Variants in LARP1B observed in about 807,000 individuals in gnomAD.
LARP1B encodes the protein la-related protein 1B.
LARP1B carries 76 observed loss-of-function variants against 114.2 expected under a neutral mutation model. The ratio of observed to expected loss-of-function variants is 0.67; its 90% confidence interval spans 0.55 to 0.81. The LOEUF (loss-of-function observed/expected upper bound fraction) is 0.81, where lower values mean the gene tolerates loss of function less well. LARP1B is among the 30% of genes least tolerant of loss of function. The pLI is 0.00. For synonymous variants in LARP1B, 345 were observed against 348.0 expected (o/e 0.99, Z 0.10); for missense variants, 1,014 against 1,075.8 (o/e 0.94, Z 0.80).
In LARP1B at chr4:128,061,659, G is replaced by A. The variant is rs899485806; in HGVS notation, c.-78+258G>A. 20 of 984,506 alleles carry A rather than the reference G, an allele frequency of 2.0e-5. No individual in the cohort carries two copies. The African/African-American group carries it at 2.4e-4, about 12-fold the overall frequency. The allele number at this position is 984,506 out of a possible 1,614,324, so 61.0% of individuals were successfully genotyped here. A position where few individuals can be genotyped will look rare whatever the true frequency, so the allele number is the denominator to read the frequency against. On this transcript the variant is annotated intron_variant, in intron 1 of 19. Coordinates refer to ENST00000326639, the MANE Select transcript of LARP1B (RefSeq NM_018078.4). ...GGCAGTCGGGTTCCCTGGCCTCGGG[G>A]CCACCCCGGCTGGGGCGGCTGGGGC...
At chr4:128,191,430 G>T (rs992005253) in intron 15 of LARP1B, among the ~76,000 whole-genome samples, 1 of 152,106 alleles carries the variant, frequency 6.6e-6, no homozygotes. Context: ...TTGCAGTAGC[G>T]TGTGAGTTCC....
At chr4:128,068,682 C>T (rs577927666) in intron 1 of LARP1B, among the ~76,000 whole-genome samples, 1 of 152,098 alleles carries the variant, frequency 6.6e-6, no homozygotes, top group South Asian at 2.1e-4. Context: ...CAAAGTGCTG[C>T]TATTACAGGT....
chr4:128,111,718 GT>G (rs1784174581), intron 9 of LARP1B, among the ~76,000 whole-genome samples: 2 of 151,974 alleles, frequency 1.3e-5, no homozygotes, highest in South Asian at 4.2e-4. Flanking sequence ...TTGAGACAAA[GT>G]CTTGTTCTTG....
At chr4:128,168,477 T>C (rs1742120208) in intron 12 of LARP1B, among the ~76,000 whole-genome samples, 1 of 152,104 alleles carries the variant, frequency 6.6e-6, no homozygotes, top group South Asian at 2.1e-4. Flanking sequence ...ACAAGTCCTT[T>C]GTTACATATG....
chr4:128,077,597 A>G (rs901820467), intron 3 of LARP1B, among the ~76,000 whole-genome samples, 191 bp from the exon 4 acceptor site: 25 of 151,926 alleles, frequency 1.6e-4, no homozygotes, highest in Admixed American at 1.3e-4. Flanking sequence ...TCTTTATCAA[A>G]TACTTAGCAA....
chr4:128,202,033 T>C (rs971132197), intron 17 of LARP1B, among the ~76,000 whole-genome samples: 5 of 152,214 alleles, frequency 3.3e-5, no homozygotes, highest in Non-Finnish European at 5.9e-5. Flanking sequence ...TGTTGACTTA[T>C]GTAAAAACAA....
At position 128,134,175 on chromosome 4, in the gene LARP1B, AT is replaced by A. The variant is rs560223826; in HGVS notation, c.1524+11995del. Among the ~76,000 whole-genome samples, 3 of 151,596 alleles carry A rather than the reference AT, an allele frequency of 2.0e-5. No individual in the cohort carries two copies. The South Asian group carries it at 6.2e-4, about 32-fold the overall frequency. ...ACTGCCACACCTGGGTAATTAATGAATTTTTTTTGTGTGTGTGGAGGCAGGG... is the reference window on the plus strand; with the variant it reads ...ACTGCCACACCTGGGTAATTAATGAATTTTTTTGTGTGTGTGGAGGCAGGG... On this transcript the variant is annotated intron_variant, in intron 11 of 19. Coordinates refer to ENST00000326639, the MANE Select transcript of LARP1B (RefSeq NM_018078.4).
At chr4:128,176,970 A>T (rs1746508774) in intron 13 of LARP1B, 63 bp downstream of exon 13, 2 of 1,412,388 alleles carry the variant, frequency 1.4e-6, no homozygotes, top group African/African-American at 1.4e-5. Context: ...TATACAAAAG[A>T]TGCAGGAAAG....
chr4:128,146,380 T>C (rs546193097), intron 11 of LARP1B, among the ~76,000 whole-genome samples: 44 of 152,350 alleles, frequency 2.9e-4, no homozygotes, highest in African/African-American at 1.0e-3. Context: ...GTTGAAACCA[T>C]GTGATGTGTA....
At position 128,210,508 on chromosome 4, in the gene LARP1B, A is replaced by G; in HGVS notation, c.*455A>G. 2.0e-6 allele frequency: 2 copies of G among 987,346 alleles called. No homozygotes were observed. The highest frequency in any genetic ancestry group is 1.2e-6 in the Non-Finnish European group (1 of 830,174). The allele number at this position is 987,346 out of a possible 1,614,324, so 61.2% of individuals were successfully genotyped here. A position where few individuals can be genotyped will look rare whatever the true frequency, so the allele number is the denominator to read the frequency against. On this transcript the variant is annotated 3_prime_UTR_variant, in exon 20 of 20. Coordinates refer to ENST00000326639, the MANE Select transcript of LARP1B (RefSeq NM_018078.4). ...TCCACAATCCAATTACCCCACTGTC[A>G]ATTCATATTTGAACTTACCAAAACA...
rs549765959 is a variant in LARP1B, at chr4:128,084,100, A to G, written c.358+1795A>G. Among the ~76,000 whole-genome samples, 6 of 150,504 alleles carry G rather than the reference A, an allele frequency of 4.0e-5. No homozygotes were observed. The East Asian group carries it at 1.2e-3, about 30-fold the overall frequency. Reference sequence around the variant, plus strand: ...GGAAGAGGCGCTCCTCACTTCCTAGATGGGATGGCGGCCGGCAGAGACGCT... The same window carrying G: ...GGAAGAGGCGCTCCTCACTTCCTAGGTGGGATGGCGGCCGGCAGAGACGCT... On this transcript the variant is annotated intron_variant, in intron 5 of 19. Coordinates refer to ENST00000326639, the MANE Select transcript of LARP1B (RefSeq NM_018078.4).
chr4:128,130,930 A>T (rs1791363557), intron 11 of LARP1B, among the ~76,000 whole-genome samples: 1 of 152,242 alleles, frequency 6.6e-6, no homozygotes, highest in Non-Finnish European at 1.5e-5. Flanking sequence ...AGCCTATTTG[A>T]AAAGACTACA....
chr4:128,088,347 A>G (rs963671075), intron 5 of LARP1B, among the ~76,000 whole-genome samples: 1 of 152,104 alleles, frequency 6.6e-6, no homozygotes, highest in African/African-American at 2.4e-5. Context: ...GGTTTCTTTC[A>G]TGTTTTGAAA....
chr4:128,107,247 A>G lies in LARP1B; in HGVS notation c.922A>G (p.Thr308Ala). The G allele has an allele frequency of 6.2e-7, 1 of 1,614,190 alleles. No homozygotes were observed. Among genetic ancestry groups the G allele is most frequent in the Non-Finnish European group, 8.5e-7 (1 of 1,180,020 alleles). ...CCCTCCTCCACGCAGTGTGCCACCA[A>G]CAGACTTCTCTCAACTGATTGATTG... ...PGPPPRSVPPTDFSQLIDCPE... is the reference protein window; with the variant it reads ...PGPPPRSVPPADFSQLIDCPE... Residue 308 changes from threonine (T) to alanine (A), a missense_variant, in exon 9 of 20, where the codon ACA (threonine) becomes GCA (alanine). Physicochemically the swap from Thr to Ala is moderately conservative, Grantham distance 58. Transcript: ENST00000326639.
chr4:128,084,450 C>G (rs1316188903), intron 5 of LARP1B, among the ~76,000 whole-genome samples: 3 of 152,234 alleles, frequency 2.0e-5, no homozygotes, highest in African/African-American at 7.2e-5. Context: ...CAGCGAAACC[C>G]CGTCTCCACC....
intron 1 of LARP1B, among the ~76,000 whole-genome samples, chr4:128,073,032 C>G (rs907788835): frequency 6.6e-6 from 1 of 152,040 alleles, no homozygotes; most frequent in Non-Finnish European, 1.5e-5. Context: ...ATCTTTGTAC[C>G]TTTTCTTGAT....
chr4:128,134,418 T>G (rs1274757554), intron 11 of LARP1B, among the ~76,000 whole-genome samples: 3 of 152,180 alleles, frequency 2.0e-5, no homozygotes, highest in Non-Finnish European at 2.9e-5. Flanking sequence ...AAGTTAGATC[T>G]TTACCTTATA....
chr4:128,124,527 TTATGCGCCATGTTAAATAATGTG>T (rs1481336761), intron 11 of LARP1B, among the ~76,000 whole-genome samples: 2 of 152,216 alleles, frequency 1.3e-5, no homozygotes, highest in Non-Finnish European at 1.5e-5. Flanking sequence ...GAGTCATCAT[TTATGCGCCATGTTAAATAATGTG>T]GAGTTTATCT....
intron 12 of LARP1B, among the ~76,000 whole-genome samples, chr4:128,171,814 G>A (rs1411228542): frequency 2.0e-5 from 3 of 152,056 alleles, no homozygotes; most frequent in Non-Finnish European, 4.4e-5. Context: ...ATTCAAAACT[G>A]TTGTACCACT....
Sources: gnomAD v4.1 joint callset for allele counts (sites outside exome capture counted in the v4.1 genomes callset) on GRCh38, gnomAD v4.1.1 for gene constraint, MANE v1.5 for transcripts, NCBI Gene and HGNC (gene_info 2026-07-23, HGNC 2026-07-21) for gene names.